Variants in FBXW11 observed in about 807,000 individuals in gnomAD.
The protein encoded by FBXW11 is F-box/WD repeat-containing protein 11.
Under a neutral mutation model 77.6 loss-of-function variants are expected in FBXW11, and 19 were observed. That is an observed-to-expected ratio of 0.24 (90% CI 0.17 to 0.36). FBXW11 has a LOEUF of 0.36. Ranked by LOEUF, FBXW11 falls within the 10% of genes least tolerant of loss-of-function variation. The pLI, the probability that FBXW11 is intolerant of heterozygous loss-of-function variation, is 1.00. For missense variants in FBXW11, 334 were observed against 704.2 expected (o/e 0.47, Z 5.95); for synonymous variants, 235 against 249.4 (o/e 0.94, Z 0.54).
chr5:171,910,768 G>A lies in FBXW11; in HGVS notation c.240C>T (p.Val80=). The A allele has an allele frequency of 6.2e-7, 1 of 1,608,410 alleles. No homozygotes were observed. The highest frequency in any genetic ancestry group is 1.3e-5 in the African/African-American group (1 of 74,478). Residue 80 remains valine (V), a synonymous_variant, in exon 4 of 14, where the codon GTC becomes GTT. Transcript: ENST00000517395. ...TTCCTTCTGATGGCCTCTTTCTGGA[G>A]ACGATCACAGATGATGTTCCATTAC... ...QISNGTSSVI[V]SRKRPSEGNY...
At chr5:171,959,847 CAA>C (rs756379284) in intron 1 of FBXW11, among the ~76,000 whole-genome samples, 35 of 138,288 alleles carry the variant, frequency 2.5e-4, no homozygotes, top group Non-Finnish European at 2.9e-4. Flanking sequence ...GAGACTGCCT[CAA>C]AAAAAAAAAA....
intron 1 of FBXW11, among the ~76,000 whole-genome samples, chr5:171,976,612 C>T (rs1017033021): frequency 6.6e-6 from 1 of 152,154 alleles, no homozygotes; most frequent in Non-Finnish European, 1.5e-5. Context: ...GGGTTTCAGG[C>T]TGCAAGTTCA....
intron 1 of FBXW11, among the ~76,000 whole-genome samples, chr5:171,959,180 G>A (rs1763769515): frequency 6.6e-6 from 1 of 151,774 alleles, no homozygotes; most frequent in Non-Finnish European, 1.5e-5. Flanking sequence ...CAGCTTTCTG[G>A]TAGCAATGAA....
intron 2 of FBXW11, among the ~76,000 whole-genome samples, chr5:171,944,942 AT>A (rs1207909426): frequency 6.6e-6 from 1 of 152,210 alleles, no homozygotes; most frequent in African/African-American, 2.4e-5. Context: ...TATTATGCTT[AT>A]TCTTCATTCA....
At chr5:171,919,878 G>A (rs534835068) in intron 2 of FBXW11, among the ~76,000 whole-genome samples, 1 of 152,290 alleles carries the variant, frequency 6.6e-6, no homozygotes, top group South Asian at 2.1e-4. Context: ...AACACAGGCT[G>A]GGCGCAGTGG....
chr5:171,934,823 A>C (rs1028659808), intron 2 of FBXW11, among the ~76,000 whole-genome samples: 4 of 152,174 alleles, frequency 2.6e-5, no homozygotes, highest in Non-Finnish European at 5.9e-5. Flanking sequence ...GATCCAACCT[A>C]AATATAATTG....
chr5:171,939,654 G>C (rs949517096), intron 2 of FBXW11, among the ~76,000 whole-genome samples: 1 of 140,794 alleles, frequency 7.1e-6, no homozygotes, highest in East Asian at 2.1e-4. Flanking sequence ...CTGAGATCGT[G>C]CCACCGCACT....
At chr5:171,994,099 G>A (rs1765899172) in intron 1 of FBXW11, among the ~76,000 whole-genome samples, 1 of 152,108 alleles carries the variant, frequency 6.6e-6, no homozygotes, top group Non-Finnish European at 1.5e-5. Context: ...ATATAAAACT[G>A]TTTCCTTTTG....
At chr5:172,004,780 C>A (rs968966445) in intron 1 of FBXW11, among the ~76,000 whole-genome samples, 2 of 151,582 alleles carry the variant, frequency 1.3e-5, no homozygotes, top group Non-Finnish European at 2.9e-5. Context: ...TTACAGAATA[C>A]CAAACACTTG....
chr5:171,941,052 T>C (rs1762727442), intron 2 of FBXW11, among the ~76,000 whole-genome samples: 1 of 152,156 alleles, frequency 6.6e-6, no homozygotes, highest in African/African-American at 2.4e-5. Flanking sequence ...ACTGAAATTC[T>C]GATGAAAACA....
intron 6 of FBXW11, among the ~76,000 whole-genome samples, chr5:171,893,421 C>CAAAAAAA (rs397999920): frequency 0.038 from 1,523 of 39,786 alleles, 353 homozygotes; most frequent in East Asian, 0.11. Context: ...ACTTCAAAAC[C>CAAAAAAA]AAAAAAAAAA....
At chr5:171,866,626 G>C (rs1561626579) in intron 13 of FBXW11, among the ~76,000 whole-genome samples, 2 of 152,300 alleles carry the variant, frequency 1.3e-5, no homozygotes, top group South Asian at 2.1e-4. Flanking sequence ...GATGTTGTCA[G>C]TTCATCTATT....
At chr5:171,952,040 T>C (rs1763347449) in intron 2 of FBXW11, among the ~76,000 whole-genome samples, 1 of 152,124 alleles carries the variant, frequency 6.6e-6, no homozygotes, top group Admixed American at 6.5e-5. Context: ...GTAGAATAGA[T>C]AAATCCAGAG....
intron 1 of FBXW11, 104 bp from the exon 2 acceptor site, chr5:171,957,802 C>A: frequency 3.1e-6 from 3 of 952,976 alleles, no homozygotes; most frequent in South Asian, 1.4e-5. Flanking sequence ...AGGGGGTGCA[C>A]CCTTGGCAGT....
At chr5:171,978,134 G>A (rs1375059882) in intron 1 of FBXW11, among the ~76,000 whole-genome samples, 1 of 149,738 alleles carries the variant, frequency 6.7e-6, no homozygotes, top group Non-Finnish European at 1.5e-5. Context: ...TATAATGCTT[G>A]TTGTAACCCT....
At chr5:171,974,556 TA>T (rs879912327) in intron 1 of FBXW11, among the ~76,000 whole-genome samples, 206 of 146,394 alleles carry the variant, frequency 1.4e-3, no homozygotes, top group Non-Finnish European at 2.3e-3. Flanking sequence ...TTCTTGAAGC[TA>T]AAAAAAAAAC....
intron 3 of FBXW11, among the ~76,000 whole-genome samples, chr5:171,911,389 C>G (rs930879696): frequency 3.3e-5 from 5 of 152,172 alleles, no homozygotes; most frequent in Non-Finnish European, 5.9e-5. Context: ...TAACAAGTTT[C>G]CCAGCAATGC....
At chr5:171,881,521 C>T (rs575266242) in intron 7 of FBXW11, among the ~76,000 whole-genome samples, 8 of 152,300 alleles carry the variant, frequency 5.3e-5, no homozygotes, top group African/African-American at 1.7e-4. Context: ...GAAGGTTAAA[C>T]ATGAAGATAT....
intron 1 of FBXW11, among the ~76,000 whole-genome samples, chr5:171,966,404 G>A (rs1041445316): frequency 6.6e-6 from 1 of 152,188 alleles, no homozygotes; most frequent in African/African-American, 2.4e-5. Flanking sequence ...ATGTCACCAA[G>A]TTTTTCAGAG....
Sources: gnomAD v4.1 joint callset for allele counts (sites outside exome capture counted in the v4.1 genomes callset) on GRCh38, gnomAD v4.1.1 for gene constraint, MANE v1.5 for transcripts, NCBI Gene and HGNC (gene_info 2026-07-23, HGNC 2026-07-21) for gene names.